NFIB: variants seen among roughly 807,000 people sequenced by gnomAD.
NFIB encodes the protein nuclear factor 1 B-type.
In NFIB, 11 loss-of-function variants were observed where a neutral mutation model predicts 61.5. The observed-to-expected ratio is 0.18, with a 90% CI of 0.11 to 0.30. The LOEUF is 0.30. Ranked by LOEUF, NFIB falls within the 10% of genes least tolerant of loss-of-function variation. The pLI is 1.00. For missense variants in NFIB, 471 were observed against 608.9 expected (o/e 0.77, Z 2.38); for synonymous variants, 260 against 216.5 (o/e 1.20, Z -1.76).
At chr9:14,339,207 G>A (rs751896288) in intron 1 of NFIB, among the ~76,000 whole-genome samples, 5 of 152,162 alleles carry the variant, frequency 3.3e-5, no homozygotes, top group Non-Finnish European at 7.3e-5. Context: ...TTGCTTTCAC[G>A]TAAATCACTT....
intron 3 of NFIB, among the ~76,000 whole-genome samples, chr9:14,168,548 T>C (rs1007393103): frequency 6.6e-6 from 1 of 152,182 alleles, no homozygotes; most frequent in Non-Finnish European, 1.5e-5. Flanking sequence ...AAGGGTCATA[T>C]TGTATGTCAT....
intron 2 of NFIB, among the ~76,000 whole-genome samples, chr9:14,294,476 A>G (rs1170857839): frequency 6.6e-6 from 1 of 152,246 alleles, no homozygotes; most frequent in African/African-American, 2.4e-5. Context: ...CATCAACAGC[A>G]ATCCCAGTTT....
chr9:14,164,053 C>A (rs1250067662), intron 3 of NFIB, among the ~76,000 whole-genome samples: 1 of 151,612 alleles, frequency 6.6e-6, no homozygotes, highest in Non-Finnish European at 1.5e-5. Flanking sequence ...AACAGCATCA[C>A]AACCACCCCA....
Position 14,395,673 on chromosome 9 carries a change from C to T in NFIB, c.108+2851G>A, listed in dbSNP as rs368547306. The stretch of plus-strand genomic sequence containing the variant: ...GGTTGCCTTGCCACGCTAATTTTAC[C>T]TCGTAAAAAATTCTTCCTCATCCCT... On this transcript the variant is annotated intron_variant, in intron 1 of 8. Coordinates refer to the NFIB transcript ENST00000380934. Among the ~76,000 whole-genome samples, 30 of 151,222 alleles carry T rather than the reference C, an allele frequency of 2.0e-4. No individual in the cohort carries two copies. The East Asian group carries it at 5.4e-3, about 27-fold the overall frequency.
At chr9:14,215,831 T>C (rs927914454) in intron 2 of NFIB, among the ~76,000 whole-genome samples, 2 of 152,214 alleles carry the variant, frequency 1.3e-5, no homozygotes. Flanking sequence ...CTCACTTGCT[T>C]TGTAATTCAG....
intron 3 of NFIB, among the ~76,000 whole-genome samples, chr9:14,173,076 A>G (rs1446719895): frequency 6.6e-6 from 1 of 152,216 alleles, no homozygotes; most frequent in Non-Finnish European, 1.5e-5. Context: ...TTCCACATCA[A>G]ATGATACTTT....
chr9:14,480,028 GT>G, the NFIB span, among the ~76,000 whole-genome samples: 1 of 151,140 alleles, frequency 6.6e-6, no homozygotes, highest in Non-Finnish European at 1.5e-5. Context: ...AGACAGAAAG[GT>G]TTTTTTTTGT....
chr9:14,296,403 C>A (rs574288833), intron 2 of NFIB, among the ~76,000 whole-genome samples: 1 of 152,322 alleles, frequency 6.6e-6, no homozygotes, highest in African/African-American at 2.4e-5. Context: ...AAGACTAGAA[C>A]CCCAAATGTC....
chr9:14,504,901 T>A, the NFIB span, among the ~76,000 whole-genome samples: 1 of 152,212 alleles, frequency 6.6e-6, no homozygotes, highest in Non-Finnish European at 1.5e-5. Flanking sequence ...GGCATCCTTG[T>A]TGTGTTCCAG....
chr9:14,169,765 C>T (rs1268725345), intron 3 of NFIB, among the ~76,000 whole-genome samples: 1 of 152,218 alleles, frequency 6.6e-6, no homozygotes, highest in African/African-American at 2.4e-5. Flanking sequence ...TTGCAGTGAG[C>T]TGAGATCATG....
chr9:14,256,612 A>G (rs1282732523), intron 2 of NFIB, among the ~76,000 whole-genome samples: 1 of 152,230 alleles, frequency 6.6e-6, no homozygotes, highest in East Asian at 1.9e-4. Context: ...AATATGCCAG[A>G]CCATTAAAAT....
intron 2 of NFIB, chr9:14,305,994 T>C: frequency 7.5e-7 from 1 of 1,327,648 alleles, no homozygotes; most frequent in South Asian, 1.8e-5. Flanking sequence ...CTTGATGCAT[T>C]TATTTGAAGA....
At chr9:14,424,103 C>T in the NFIB span, among the ~76,000 whole-genome samples, 8 of 152,198 alleles carry the variant, frequency 5.3e-5, no homozygotes, top group South Asian at 2.1e-4. Flanking sequence ...CTAACCCCCA[C>T]GTACTCTATG....
the NFIB span, among the ~76,000 whole-genome samples, chr9:14,483,712 T>A: frequency 1.3e-5 from 2 of 152,354 alleles, no homozygotes; most frequent in East Asian, 3.9e-4. Flanking sequence ...AGAGTAGCAC[T>A]ATCTTTCCTT....
chr9:14,425,594 G>A, the NFIB span, among the ~76,000 whole-genome samples: 1 of 148,062 alleles, frequency 6.8e-6, no homozygotes, highest in Admixed American at 6.9e-5. Context: ...TGAAATTTCA[G>A]CATTGCTACA....
intron 1 of NFIB, among the ~76,000 whole-genome samples, chr9:14,363,271 T>A (rs1216347020): frequency 6.6e-6 from 1 of 152,184 alleles, no homozygotes; most frequent in Non-Finnish European, 1.5e-5. Context: ...AGGCCCTGGT[T>A]GTCAGTTGTC....
At chr9:14,440,044 T>C in the NFIB span, among the ~76,000 whole-genome samples, 1 of 152,264 alleles carries the variant, frequency 6.6e-6, no homozygotes, top group East Asian at 1.9e-4. Flanking sequence ...TGTAGAACGA[T>C]CCAGGCATTT....
chr9:14,283,465 T>C (rs944832533), intron 2 of NFIB, among the ~76,000 whole-genome samples: 2 of 152,206 alleles, frequency 1.3e-5, no homozygotes, highest in African/African-American at 2.4e-5. Flanking sequence ...CTGGACCTAA[T>C]AGTTTCTGTG....
At chr9:14,421,598 T>C in the NFIB span, among the ~76,000 whole-genome samples, 3 of 152,222 alleles carry the variant, frequency 2.0e-5, no homozygotes. Flanking sequence ...CTTATCTACA[T>C]ACAAATGAAA....
Sources: allele counts gnomAD v4.1 joint callset (sites outside exome capture counted in the v4.1 genomes callset), GRCh38; gene constraint gnomAD v4.1.1; transcripts MANE v1.5; gene names NCBI Gene and HGNC (gene_info 2026-07-23, HGNC 2026-07-21).